RNF128: variants seen among roughly 807,000 people sequenced by gnomAD.
RNF128 encodes ring finger protein 128, also known as E3 ubiquitin-protein ligase RNF128.
Under a neutral mutation model 26.2 loss-of-function variants are expected in RNF128, and 13 were observed. That is an observed-to-expected ratio of 0.50 (90% CI 0.32 to 0.79). The LOEUF is 0.79. Among genes scored for constraint, RNF128 ranks in the 30% least tolerant of loss-of-function variants. RNF128 has a pLI of 0.03. For missense variants in RNF128, 315 were observed against 349.7 expected, an observed-to-expected ratio of 0.90 and a Z score of 0.79; for synonymous variants, 149 against 142.5, an observed-to-expected ratio of 1.05 and a Z score of -0.32.
At chrX:106,726,650 G>A, upstream of RNF128, 3 of 973,531 alleles carry the variant, frequency 3.1e-6, no homozygotes, top group Non-Finnish European at 2.6e-6. Context: ...TCTACCCCCA[G>A]TCGGCTGGGC....
chrX:106,749,892 G>A (rs1437296302), intron 1 of RNF128, among the ~76,000 whole-genome samples: 5 of 105,663 alleles, frequency 4.7e-5, no homozygotes, highest in African/African-American at 1.5e-4. Context: ...GCAACAGAGC[G>A]AGACCTTGTT....
At chrX:106,754,410 C>CTTTT (rs150895665) in intron 1 of RNF128, among the ~76,000 whole-genome samples, 845 of 35,742 alleles carry the variant, frequency 0.024, 107 homozygotes, top group African/African-American at 0.088. Context: ...TTTTCTTTCT[C>CTTTT]TTTTTTTTTT....
chrX:106,726,648 C>G (rs895202993), upstream of RNF128: 24 of 971,582 alleles, frequency 2.5e-5, no homozygotes, highest in Middle Eastern at 8.7e-4. Context: ...CCTCTACCCC[C>G]AGTCGGCTGG....
intron 1 of RNF128, among the ~76,000 whole-genome samples, chrX:106,729,131 G>C (rs1253165418): frequency 1.8e-5 from 2 of 111,629 alleles, no homozygotes; most frequent in Non-Finnish European, 3.8e-5. Context: ...CTTCTGTTAA[G>C]GGTATTTATC....
chrX:106,747,378 AG>A, intron 1 of RNF128, among the ~76,000 whole-genome samples: 1 of 111,935 alleles, frequency 8.9e-6, no homozygotes, highest in East Asian at 2.8e-4. Flanking sequence ...TAGCAAATTA[AG>A]GACTTTTTTC....
In RNF128 at chrX:106,772,648, A is replaced by G. The variant is rs192265992; in HGVS notation, c.485-265A>G. On this transcript the variant is annotated intron_variant, in intron 1 of 6. Transcript: ENST00000255499. ...AAGGCAATACTGTTGAATTATAGAT[A>G]GTTAATCTGAGGAGGGGGAGGTGTT... 4.5e-5 allele frequency among the ~76,000 whole-genome samples: 5 copies of G among 111,400 alleles called. No individual in the cohort carries two copies. The East Asian group carries it at 1.4e-3, about 31-fold the overall frequency.
chrX:106,768,178 T>C (rs1189126072), intron 1 of RNF128, among the ~76,000 whole-genome samples: 2 of 111,831 alleles, frequency 1.8e-5, no homozygotes. Flanking sequence ...AAAATTTTCT[T>C]TTTTTATTTT....
At chrX:106,694,867 A>T (rs1472073208) in intron 1 of RNF128, among the ~76,000 whole-genome samples, 1 of 111,761 alleles carries the variant, frequency 8.9e-6, no homozygotes. Context: ...ATGTTATAGA[A>T]ATGAGAACTT....
At chrX:106,715,086 T>C (rs1212277166) in intron 1 of RNF128, among the ~76,000 whole-genome samples, 1 of 111,980 alleles carries the variant, frequency 8.9e-6, no homozygotes, top group African/African-American at 3.2e-5. Flanking sequence ...AATTGGTGAG[T>C]TGGATGTTAG....
chrX:106,770,394 G>T (rs1310293112), intron 1 of RNF128, among the ~76,000 whole-genome samples: 1 of 111,835 alleles, frequency 8.9e-6, no homozygotes, highest in Non-Finnish European at 1.9e-5. Context: ...ATCAGACGTA[G>T]ATTTGGTCTT....
chrX:106,731,884 C>T (rs778219393), intron 1 of RNF128, among the ~76,000 whole-genome samples: 6 of 111,526 alleles, frequency 5.4e-5, no homozygotes, highest in Non-Finnish European at 1.1e-4. Flanking sequence ...TGATTGGTCT[C>T]CTTGCCTCCA....
At chrX:106,730,318 A>G (rs1343656139) in intron 1 of RNF128, among the ~76,000 whole-genome samples, 2 of 112,443 alleles carry the variant, frequency 1.8e-5, no homozygotes, top group Non-Finnish European at 3.8e-5. Context: ...ACACAGATAA[A>G]TAATTGCAAA....
intron 2 of RNF128, among the ~76,000 whole-genome samples, chrX:106,781,511 C>A (rs1930564772): frequency 9.0e-6 from 1 of 110,988 alleles, no homozygotes; most frequent in South Asian, 3.8e-4. Context: ...GGGAGGCTTG[C>A]ATCTTGGAAC....
intron 1 of RNF128, among the ~76,000 whole-genome samples, chrX:106,768,724 G>T (rs1930303857): frequency 9.0e-6 from 1 of 111,187 alleles, no homozygotes; most frequent in Non-Finnish European, 1.9e-5. Context: ...CTTCTCTTCT[G>T]CTCTGATCTT....
chrX:106,727,581 A>T (rs1569437759), intron 1 of RNF128, among the ~76,000 whole-genome samples, 184 bp downstream of exon 1: 1 of 110,285 alleles, frequency 9.1e-6, no homozygotes, highest in Non-Finnish European at 1.9e-5. Context: ...GGCAAAAAAA[A>T]ATCCTTCATT....
At position 106,715,100 on chromosome X, in the gene RNF128, T is replaced by C. The variant is rs553355084; in HGVS notation, c.406+20692T>C. On this transcript the variant is annotated intron_variant, in intron 1 of 6. Coordinates refer to the RNF128 transcript ENST00000324342. ...AAATTGGTGAGTTGGATGTTAGTTTTATAAGAAACTGCCAGACTGTTTTCC... is the reference window on the plus strand; with the variant it reads ...AAATTGGTGAGTTGGATGTTAGTTTCATAAGAAACTGCCAGACTGTTTTCC... Among the ~76,000 whole-genome samples the C allele has an allele frequency of 1.7e-4, 19 of 112,190 alleles. No homozygotes were observed. In the South Asian group the frequency reaches 7.2e-3, roughly 42 times the overall value.
At chrX:106,725,988 T>C (rs925074480), upstream of RNF128, among the ~76,000 whole-genome samples, 3 of 113,209 alleles carry the variant, frequency 2.6e-5, no homozygotes, top group Middle Eastern at 4.2e-3. Flanking sequence ...GGAGAAAGAT[T>C]ATGTAGTTAA....
At chrX:106,751,447 A>G (rs963263677) in intron 1 of RNF128, among the ~76,000 whole-genome samples, 5 of 111,081 alleles carry the variant, frequency 4.5e-5, no homozygotes, top group Non-Finnish European at 3.8e-5. Flanking sequence ...ACTGTGAGCT[A>G]AAGTGCCCTG....
At chrX:106,717,516 G>A (rs1294460072) in intron 1 of RNF128, among the ~76,000 whole-genome samples, 1 of 111,772 alleles carries the variant, frequency 8.9e-6, no homozygotes, top group African/African-American at 3.2e-5. Context: ...ACCGTTAATA[G>A]GGTTAACTCT....
Sources: allele counts gnomAD v4.1 joint callset (sites outside exome capture counted in the v4.1 genomes callset), GRCh38; gene constraint gnomAD v4.1.1; transcripts MANE v1.5; gene names NCBI Gene and HGNC (gene_info 2026-07-23, HGNC 2026-07-21).